Variants in EXOC6 observed in about 807,000 individuals in gnomAD.
The protein encoded by EXOC6 is exocyst complex component 6, also known as SEC15-like 1.
In EXOC6, 60 loss-of-function variants were observed where a neutral mutation model predicts 112.5. The observed-to-expected ratio is 0.53, with a 90% confidence interval of 0.43 to 0.66. The LOEUF is 0.66. Ranked by LOEUF, EXOC6 falls within the 30% of genes least tolerant of loss-of-function variation. EXOC6 has a pLI of 0.00. For synonymous variants in EXOC6, 295 were observed against 308.0 expected (o/e 0.96, Z 0.44); for missense variants, 855 against 957.1 (o/e 0.89, Z 1.41).
intron 11 of EXOC6, 140 bp downstream of exon 11, chr10:92,934,570 C>T (rs1050365004): frequency 1.3e-5 from 9 of 693,522 alleles, no homozygotes; most frequent in Non-Finnish European, 1.9e-5. Context: ...GTAGTAATGT[C>T]AGGCTTTTGT....
upstream of EXOC6, among the ~76,000 whole-genome samples, chr10:92,846,736 G>T (rs1017285119): frequency 1.3e-5 from 2 of 152,130 alleles, no homozygotes; most frequent in Admixed American, 6.5e-5. Flanking sequence ...TAGGCAGTGG[G>T]TCCCACTGAT....
At chr10:92,921,232 C>A (rs925003529) in intron 8 of EXOC6, among the ~76,000 whole-genome samples, 1 of 145,794 alleles carries the variant, frequency 6.9e-6, no homozygotes, top group South Asian at 2.2e-4. Flanking sequence ...CATTTCATTT[C>A]CTTTGTCATT....
intron 20 of EXOC6, among the ~76,000 whole-genome samples, chr10:93,051,107 A>G (rs889835050): frequency 2.6e-5 from 4 of 151,806 alleles, no homozygotes; most frequent in Non-Finnish European, 1.5e-5. Flanking sequence ...GCAAATATGG[A>G]TGTGTGTAAA....
At chr10:92,917,673 C>T (rs1851179496) in intron 7 of EXOC6, among the ~76,000 whole-genome samples, 1 of 151,566 alleles carries the variant, frequency 6.6e-6, no homozygotes, top group Non-Finnish European at 1.5e-5. Flanking sequence ...TAAAAGCACA[C>T]TATCACCATG....
intron 18 of EXOC6, among the ~76,000 whole-genome samples, chr10:92,974,866 T>C (rs868455749): frequency 4.6e-5 from 7 of 152,312 alleles, no homozygotes; most frequent in African/African-American, 1.4e-4. Flanking sequence ...GTTCACTCAG[T>C]GCTCAATGGT....
chr10:92,991,125 A>G (rs1219774245), intron 18 of EXOC6, among the ~76,000 whole-genome samples: 2 of 120,624 alleles, frequency 1.7e-5, no homozygotes, highest in East Asian at 2.1e-4. Flanking sequence ...GATTCTGGCA[A>G]CTTTTTTTTT....
chr10:93,000,166 T>C (rs903503217), intron 19 of EXOC6, among the ~76,000 whole-genome samples: 5 of 152,228 alleles, frequency 3.3e-5, no homozygotes, highest in African/African-American at 7.2e-5. Flanking sequence ...ATTACATCTT[T>C]AGTATGGCTT....
chr10:93,039,528 A>G (rs1215051457), intron 20 of EXOC6, among the ~76,000 whole-genome samples: 1 of 152,092 alleles, frequency 6.6e-6, no homozygotes, highest in Non-Finnish European at 1.5e-5. Flanking sequence ...CACCCCATCC[A>G]AATAGAGGCT....
intron 5 of EXOC6, among the ~76,000 whole-genome samples, chr10:92,902,554 C>G (rs558712044): frequency 1.3e-5 from 2 of 151,580 alleles, no homozygotes; most frequent in Non-Finnish European, 2.9e-5. Context: ...CTTGTGTTTG[C>G]TTTTTAGAGA....
chr10:92,883,335 A>C (rs1267874904), intron 1 of EXOC6, among the ~76,000 whole-genome samples: 1 of 152,184 alleles, frequency 6.6e-6, no homozygotes. Context: ...TTTGCTTTAA[A>C]AACTGTCTTT....
At chr10:92,827,333 G>C (rs1454332183) in intron 1 of EXOC6, among the ~76,000 whole-genome samples, 2 of 151,692 alleles carry the variant, frequency 1.3e-5, no homozygotes, top group African/African-American at 4.8e-5. Flanking sequence ...AACTAGCCAG[G>C]CATGGTGGCA....
chr10:93,045,396 C>G (rs1845962648), intron 20 of EXOC6, among the ~76,000 whole-genome samples: 1 of 152,168 alleles, frequency 6.6e-6, no homozygotes, highest in Admixed American at 6.6e-5. Flanking sequence ...AGAAGAAGCA[C>G]TTAGATTCTT....
In EXOC6 at chr10:92,939,166, C is replaced by A. The variant is rs77639328; in HGVS notation, c.1213-1561C>A. ...CAGTAAGCATTTTGTAGTTTTTAGG[C>A]AGGGGAATGGCACAATCAGATTTAT... On this transcript the variant is annotated intron_variant, in intron 12 of 21. Coordinates refer to ENST00000260762, the MANE Select transcript of EXOC6 (RefSeq NM_019053.6). Among the ~76,000 whole-genome samples, 1,491 of 152,028 alleles carry A rather than the reference C, an allele frequency of 9.8e-3. 20 individuals carry two copies. Among genetic ancestry groups the A allele is most frequent in the African/African-American group, 0.032 (1,341 of 41,490 alleles).
intron 1 of EXOC6, among the ~76,000 whole-genome samples, chr10:92,886,190 G>A (rs1350738644): frequency 6.6e-6 from 1 of 152,128 alleles, no homozygotes; most frequent in Non-Finnish European, 1.5e-5. Flanking sequence ...CTGCTTAACA[G>A]CATTTCCTTT....
Position 92,971,884 on chromosome 10 carries a change from G to T in EXOC6, c.1774-2169G>T, listed in dbSNP as rs140141256. On this transcript the variant is annotated intron_variant, in intron 17 of 21. Transcript: ENST00000260762. ...AACTTGTCATTTTTTGTTGATAACT[G>T]TACATTTATAATAATATAAGATGAC... Among the ~76,000 whole-genome samples the T allele has an allele frequency of 3.3e-3, 500 of 152,176 alleles. 3 individuals are homozygous for T. The highest frequency in any genetic ancestry group is 0.011 in the African/African-American group (475 of 41,502).
intron 2 of EXOC6, 136 bp downstream of exon 2, chr10:92,893,656 C>A: frequency 1.5e-6 from 1 of 657,406 alleles, no homozygotes; most frequent in South Asian, 2.7e-5. Flanking sequence ...AGGGAATGCT[C>A]TTTATGCTCT....
At chr10:92,891,994 A>G (rs577654065) in intron 1 of EXOC6, among the ~76,000 whole-genome samples, 13 of 152,322 alleles carry the variant, frequency 8.5e-5, no homozygotes, top group African/African-American at 2.9e-4. Context: ...TTGTAAGTTT[A>G]CCTGTCCTGC....
intron 7 of EXOC6, among the ~76,000 whole-genome samples, chr10:92,919,567 A>G (rs759374828): frequency 4.6e-5 from 7 of 152,180 alleles, no homozygotes; most frequent in Non-Finnish European, 8.8e-5. Context: ...AATTCAGTGC[A>G]ATAATGACCA....
chr10:92,829,962 A>T (rs946823043), upstream of EXOC6, among the ~76,000 whole-genome samples: 3 of 152,222 alleles, frequency 2.0e-5, no homozygotes, highest in Admixed American at 2.0e-4. Flanking sequence ...TGGTCTAAAA[A>T]GGGGAGGAAC....
Sources: gnomAD v4.1 joint callset for allele counts (sites outside exome capture counted in the v4.1 genomes callset) on GRCh38, gnomAD v4.1.1 for gene constraint, MANE v1.5 for transcripts, NCBI Gene and HGNC (gene_info 2026-07-23, HGNC 2026-07-21) for gene names.